The following WDFY3 variants were observed in gnomAD, a reference collection of about 807,000 sequenced individuals.
The protein encoded by WDFY3 is WD repeat and FYVE domain-containing protein 3.
WDFY3 carries 66 observed loss-of-function variants against 409.6 expected under a neutral mutation model. The observed-to-expected ratio is 0.16, with a 90% CI of 0.13 to 0.20. The LOEUF (loss-of-function observed/expected upper bound fraction) is 0.20. WDFY3 is among the 10% of genes least tolerant of loss of function. WDFY3 has a pLI of 1.00. For missense variants in WDFY3, 3,031 were observed against 4,298.1 expected (o/e 0.71, Z 8.24); for synonymous variants, 1,521 against 1,537.1 (o/e 0.99, Z 0.25).
intron 38 of WDFY3, among the ~76,000 whole-genome samples, chr4:84,741,358 AG>A (rs1738385904): frequency 6.7e-6 from 1 of 148,384 alleles, no homozygotes; most frequent in African/African-American, 2.5e-5. Context: ...TCTGTCACCC[AG>A]GCTGGAGTGC....
At chr4:84,676,391 C>A (rs913066235) in intron 67 of WDFY3, among the ~76,000 whole-genome samples, 3 of 151,772 alleles carry the variant, frequency 2.0e-5, no homozygotes, top group East Asian at 1.9e-4. Context: ...ATTTGGAGAA[C>A]CTTCATGGCC....
intron 27 of WDFY3, among the ~76,000 whole-genome samples, chr4:84,777,199 C>T (rs571609507): frequency 6.6e-6 from 1 of 151,950 alleles, no homozygotes; most frequent in African/African-American, 2.4e-5. Flanking sequence ...GTTGGTGGGA[C>T]AGTGCTGACT....
intron 3 of WDFY3, among the ~76,000 whole-genome samples, chr4:84,872,163 G>T (rs1199370528): frequency 6.6e-6 from 1 of 151,878 alleles, no homozygotes; most frequent in East Asian, 1.9e-4. Context: ...GGCATCTAGG[G>T]GAACCATTAA....
At chr4:84,800,375 G>A (rs1340681599) in intron 17 of WDFY3, among the ~76,000 whole-genome samples, 1 of 152,192 alleles carries the variant, frequency 6.6e-6, no homozygotes, top group Non-Finnish European at 1.5e-5. Flanking sequence ...TGGAAGGGTG[G>A]CTCAAAGCAG....
At chr4:84,841,365 A>C in intron 5 of WDFY3, 102 bp from the exon 6 acceptor site, 1 of 911,456 alleles carries the variant, frequency 1.1e-6, no homozygotes, top group East Asian at 2.6e-5. Flanking sequence ...TAAGCACATA[A>C]TTATATCAGC....
chr4:84,692,564 T>C (rs1252209486), intron 59 of WDFY3, among the ~76,000 whole-genome samples: 2 of 152,196 alleles, frequency 1.3e-5, no homozygotes, highest in African/African-American at 4.8e-5. Flanking sequence ...AATGAAATTA[T>C]GAAGACAAAT....
At chr4:84,693,211 C>T (rs1373877150) in intron 58 of WDFY3, among the ~76,000 whole-genome samples, 179 bp from the exon 59 acceptor site, 1 of 152,204 alleles carries the variant, frequency 6.6e-6, no homozygotes, top group East Asian at 1.9e-4. Flanking sequence ...GGCCAGAGAA[C>T]TCACACCTGA....
At chr4:84,741,994 A>T in intron 37 of WDFY3, 73 bp from the exon 38 acceptor site, 1 of 1,402,788 alleles carries the variant, frequency 7.1e-7, no homozygotes, top group Non-Finnish European at 9.5e-7. Flanking sequence ...TCAAAAAAAA[A>T]ATCAGGCTAA....
intron 2 of WDFY3, among the ~76,000 whole-genome samples, chr4:84,923,142 T>A (rs1453875448): frequency 6.6e-6 from 1 of 152,184 alleles, no homozygotes; most frequent in African/African-American, 2.4e-5. Flanking sequence ...ATATTGACTA[T>A]TTAAGTTAAA....
chr4:84,746,021 C>T (rs2149261706), intron 36 of WDFY3, among the ~76,000 whole-genome samples: 1 of 151,754 alleles, frequency 6.6e-6, no homozygotes, highest in East Asian at 2.0e-4. Context: ...AAAAATGGTA[C>T]TCCTGGTTGG....
At chr4:84,846,200 C>G (rs1166418561) in intron 5 of WDFY3, among the ~76,000 whole-genome samples, 3 of 151,724 alleles carry the variant, frequency 2.0e-5, no homozygotes, top group African/African-American at 7.3e-5. Context: ...ATTTCACAAG[C>G]TTAAAACTAA....
At chr4:84,836,610 T>C in intron 7 of WDFY3, among the ~76,000 whole-genome samples, 1 of 152,038 alleles carries the variant, frequency 6.6e-6, no homozygotes, top group East Asian at 1.9e-4. Context: ...AGAAATATTA[T>C]CCAAATCTTT....
intron 46 of WDFY3, among the ~76,000 whole-genome samples, chr4:84,723,711 G>A (rs1735209164): frequency 1.3e-5 from 2 of 152,204 alleles, no homozygotes; most frequent in African/African-American, 2.4e-5. Context: ...TGCTATAACA[G>A]ACATGAGCGA....
intron 45 of WDFY3, 84 bp downstream of exon 45, chr4:84,726,777 T>C: frequency 1.7e-6 from 2 of 1,200,124 alleles, no homozygotes; most frequent in Non-Finnish European, 2.4e-6. Context: ...TAGTCTAGTC[T>C]ACCATGCACT....
chr4:84,745,987 A>C (rs1739369753), intron 36 of WDFY3, among the ~76,000 whole-genome samples: 1 of 151,912 alleles, frequency 6.6e-6, no homozygotes. Context: ...CTGTCCAGTC[A>C]CAGAAGGACA....
At chr4:84,934,295 C>A (rs1213328589) in intron 1 of WDFY3, among the ~76,000 whole-genome samples, 1 of 152,070 alleles carries the variant, frequency 6.6e-6, no homozygotes, top group Non-Finnish European at 1.5e-5. Flanking sequence ...CCTTTTAATG[C>A]ATGTTTGTTT....
chr4:84,798,308 T>A (rs1044378916), intron 17 of WDFY3, among the ~76,000 whole-genome samples, 200 bp from the exon 18 acceptor site: 1 of 152,130 alleles, frequency 6.6e-6, no homozygotes, highest in Admixed American at 6.5e-5. Context: ...TTTTAGAATG[T>A]TTTTTAGACA....
At chr4:84,815,403 A>G (rs1298364118) in intron 13 of WDFY3, among the ~76,000 whole-genome samples, 1 of 152,144 alleles carries the variant, frequency 6.6e-6, no homozygotes, top group East Asian at 1.9e-4. Flanking sequence ...CAATGCTCAA[A>G]ATCAGAGAAC....
Position 84,721,703 on chromosome 4 carries a change from T to G in WDFY3, c.7442-131A>C, listed in dbSNP as rs917356511. The G allele has an allele frequency of 3.9e-6, 4 of 1,028,878 alleles. No individual in the cohort carries two copies. The African/African-American group carries it at 6.4e-5, about 17-fold the overall frequency. 63.7% of individuals were successfully genotyped at this position (1,028,878 alleles called of 1,614,324 possible). On this transcript the variant is annotated intron_variant, in intron 46 of 67. Transcript: ENST00000295888. ...TTGGAAGGTATAGGGAGGTAGCACA[T>G]TCAGTGGTTAAGAACATAGTCCTCT...
Sources: allele counts gnomAD v4.1 joint callset (sites outside exome capture counted in the v4.1 genomes callset), GRCh38; gene constraint gnomAD v4.1.1; transcripts MANE v1.5; gene names NCBI Gene and HGNC (gene_info 2026-07-23, HGNC 2026-07-21).